The following COBLL1 variants were observed in gnomAD, a reference collection of about 807,000 sequenced individuals.
The protein encoded by COBLL1 is cordon-bleu protein-like 1.
A neutral mutation model predicts 94.8 loss-of-function variants in COBLL1; 50 were observed. The observed-to-expected ratio is 0.53, with a 90% CI of 0.42 to 0.67. COBLL1 has a LOEUF of 0.67. Among genes scored for constraint, COBLL1 ranks in the 30% least tolerant of loss-of-function variants. The probability of loss-of-function intolerance (pLI) is 0.00; values close to 1 mark genes in which losing one functional copy is unlikely to be tolerated. For synonymous variants in COBLL1, 448 were observed against 473.8 expected (o/e 0.95, Z 0.71); for missense variants, 1,362 against 1,348.7 (o/e 1.01, Z -0.15).
intron 3 of COBLL1, among the ~76,000 whole-genome samples, chr2:164,734,988 G>A (rs527242286): frequency 2.3e-4 from 35 of 152,286 alleles, no homozygotes; most frequent in African/African-American, 8.4e-4. Context: ...AGTTTACAAT[G>A]AGATTATAAA....
At chr2:164,813,344 G>A (rs1167716362) in intron 2 of COBLL1, among the ~76,000 whole-genome samples, 1 of 152,058 alleles carries the variant, frequency 6.6e-6, no homozygotes, top group Non-Finnish European at 1.5e-5. Flanking sequence ...CCTCACAGGG[G>A]TAACCAATGG....
chr2:164,815,798 C>T (rs1287582535), intron 2 of COBLL1, among the ~76,000 whole-genome samples: 2 of 152,094 alleles, frequency 1.3e-5, no homozygotes, highest in African/African-American at 4.8e-5. Flanking sequence ...AAGCACTCAC[C>T]CAGATTCCTC....
chr2:164,841,753 G>A lies in COBLL1; in HGVS notation c.-94C>T, dbSNP rs767439750. 556 of 533,744 alleles carry A rather than the reference G, an allele frequency of 1.0e-3. No individual in the cohort carries two copies. The highest frequency in any genetic ancestry group is 1.6e-3 in the Non-Finnish European group (478 of 305,244). 33.1% of individuals were successfully genotyped at this position (533,744 alleles called of 1,614,324 possible). A position where few individuals can be genotyped will look rare whatever the true frequency, so the allele number is the denominator to read the frequency against. On this transcript the variant is annotated 5_prime_UTR_variant, in exon 1 of 14. Coordinates refer to ENST00000652658, the MANE Select transcript of COBLL1 (RefSeq NM_001365672.2). The surrounding 1 kb of genome is among the most constrained non-coding windows in gnomAD (Gnocchi z 5.5). ...CAGTAGCTCGCCTGTTCTCCCTCGCGGCTTCCTCTCCTACTCTTCCCTTCC... is the reference window on the plus strand; with the variant it reads ...CAGTAGCTCGCCTGTTCTCCCTCGCAGCTTCCTCTCCTACTCTTCCCTTCC...
chr2:164,705,818 G>C (rs6711241), intron 7 of COBLL1, among the ~76,000 whole-genome samples: 1 of 152,172 alleles, frequency 6.6e-6, no homozygotes, highest in South Asian at 2.1e-4. Context: ...CAGACCACCT[G>C]AGGTAAAGAG....
chr2:164,835,099 G>C (rs1683257885), intron 2 of COBLL1, among the ~76,000 whole-genome samples: 1 of 151,972 alleles, frequency 6.6e-6, no homozygotes, highest in Admixed American at 6.6e-5. Flanking sequence ...ACAAAAAACA[G>C]TATGGCAGTT....
At chr2:164,764,055 C>T (rs1325731404) in intron 2 of COBLL1, among the ~76,000 whole-genome samples, 1 of 152,138 alleles carries the variant, frequency 6.6e-6, no homozygotes, top group Non-Finnish European at 1.5e-5. Context: ...GCCACCACAT[C>T]TGGCTAATTT....
chr2:164,735,260 C>T (rs1275935009), intron 3 of COBLL1, among the ~76,000 whole-genome samples: 1 of 152,156 alleles, frequency 6.6e-6, no homozygotes, highest in Non-Finnish European at 1.5e-5. Flanking sequence ...ACAACTGACA[C>T]ATGAGAAAGC....
chr2:164,792,564 T>G (rs1001672673), intron 2 of COBLL1, among the ~76,000 whole-genome samples: 1 of 152,304 alleles, frequency 6.6e-6, no homozygotes, highest in Non-Finnish European at 1.5e-5. Flanking sequence ...TTATTCATTA[T>G]GTAACCTTAA....
intron 9 of COBLL1, chr2:164,703,157 G>T: frequency 6.2e-7 from 1 of 1,613,988 alleles, no homozygotes. Context: ...AAAGACAGAG[G>T]TTTCCTCCAT....
chr2:164,659,666 A>G (rs1691038775), intron 2 of COBLL1, among the ~76,000 whole-genome samples: 1 of 152,206 alleles, frequency 6.6e-6, no homozygotes, highest in Non-Finnish European at 1.5e-5. Flanking sequence ...TATACCTAGA[A>G]GGACCAAAGA....
At chr2:164,762,988 G>A (rs1405103352) in intron 2 of COBLL1, among the ~76,000 whole-genome samples, 1 of 152,054 alleles carries the variant, frequency 6.6e-6, no homozygotes, top group East Asian at 1.9e-4. Context: ...GAGCCACTGC[G>A]CCTGCCCGCC....
rs1683223294 is a variant in COBLL1 at position 164,685,290 on chromosome 2, C to T, written c.*656G>A. On this transcript the variant is annotated 3_prime_UTR_variant, in exon 14 of 14. Coordinates refer to ENST00000652658, the MANE Select transcript of COBLL1 (RefSeq NM_001365672.2). Reference sequence around the variant, plus strand: ...TTAAAATTCTTGTAGAATTTAAGTTCTAAAGATTAAAAAAACAAGAGTTCC... The same window carrying T: ...TTAAAATTCTTGTAGAATTTAAGTTTTAAAGATTAAAAAAACAAGAGTTCC... 3.3e-5 allele frequency: 5 copies of T among 151,930 alleles called. No individual in the cohort carries two copies. The South Asian group carries it at 1.0e-3, about 32-fold the overall frequency. The allele number at this position is 151,930 out of a possible 1,614,324, so 9.4% of individuals were successfully genotyped here. A position where few individuals can be genotyped will look rare whatever the true frequency, so the allele number is the denominator to read the frequency against.
intron 2 of COBLL1, chr2:164,761,494 C>T (rs1214583867): frequency 6.7e-6 from 1 of 149,876 alleles, no homozygotes; most frequent in African/African-American, 2.4e-5. Flanking sequence ...AGTCATAACA[C>T]ATCTGATAAT....
At chr2:164,720,570 T>C (rs1216142808) in intron 7 of COBLL1, among the ~76,000 whole-genome samples, 4 of 152,178 alleles carry the variant, frequency 2.6e-5, no homozygotes, top group East Asian at 3.8e-4. Flanking sequence ...ATTTACACTC[T>C]TCTATGATAC....
intron 2 of COBLL1, among the ~76,000 whole-genome samples, chr2:164,770,494 G>C (rs1294968508): frequency 6.6e-6 from 1 of 151,992 alleles, no homozygotes; most frequent in Non-Finnish European, 1.5e-5. Flanking sequence ...TGAAACAAAG[G>C]AAAAATACCC....
rs1164612980 is a variant in COBLL1 at position 164,685,624 on chromosome 2, A to AC, written c.*321dup. On this transcript the variant is annotated 3_prime_UTR_variant, in exon 14 of 14. Transcript: ENST00000652658. ...TGAATCTTATACTTTTGTCTAAGTC[A>AC]CCATTGTAGAGAATGTGCTGGTAAG... 2 of 184,096 alleles carry AC rather than the reference A, an allele frequency of 1.1e-5. No homozygotes were observed. The highest frequency in any genetic ancestry group is 4.7e-5 in the African/African-American group (2 of 42,618). The allele number at this position is 184,096 out of a possible 1,614,324, so 11.4% of individuals were successfully genotyped here.
intron 2 of COBLL1, among the ~76,000 whole-genome samples, chr2:164,749,709 T>C (rs1459151903): frequency 6.6e-6 from 1 of 152,118 alleles, no homozygotes; most frequent in Non-Finnish European, 1.5e-5. Flanking sequence ...TAATTTCAAA[T>C]AGTGAGTATG....
intron 2 of COBLL1, chr2:164,665,771 G>A (rs1176049457): frequency 6.6e-6 from 1 of 152,116 alleles, no homozygotes; most frequent in Non-Finnish European, 1.5e-5. Context: ...CATTAGAAGA[G>A]TATGTCAATT....
chr2:164,720,756 G>C (rs1424976064), intron 7 of COBLL1, among the ~76,000 whole-genome samples: 1 of 152,058 alleles, frequency 6.6e-6, no homozygotes, highest in Non-Finnish European at 1.5e-5. Flanking sequence ...TCTTAACAGG[G>C]TTCCTTGGCC....
Sources: allele counts gnomAD v4.1 joint callset (sites outside exome capture counted in the v4.1 genomes callset), GRCh38; gene constraint gnomAD v4.1.1; non-coding constraint Gnocchi (gnomAD v3.1); transcripts MANE v1.5; gene names NCBI Gene and HGNC (gene_info 2026-07-23, HGNC 2026-07-21).